The following FAM135A variants were observed in gnomAD, a reference collection of about 807,000 sequenced individuals.
The protein encoded by FAM135A is family with sequence similarity 135 member A.
FAM135A carries 79 observed loss-of-function variants against 146.8 expected under a neutral mutation model. The ratio of observed to expected loss-of-function variants is 0.54; its 90% CI spans 0.45 to 0.65. The LOEUF (loss-of-function observed/expected upper bound fraction) is 0.65. Ranked by LOEUF, FAM135A falls within the 30% of genes least tolerant of loss-of-function variation. FAM135A has a pLI of 0.00. For synonymous variants in FAM135A, 562 were observed against 603.6 expected, an observed-to-expected ratio of 0.93 and a Z score of 1.01; for missense variants, 1,623 against 1,758.2, an observed-to-expected ratio of 0.92 and a Z score of 1.38.
chr6:70,522,456 C>A, intron 12 of FAM135A, 57 bp from the exon 13 acceptor site: 1 of 1,483,804 alleles, frequency 6.7e-7, no homozygotes, highest in Non-Finnish European at 9.4e-7. Flanking sequence ...CCATAAGATG[C>A]CGGATTGACT....
chr6:70,556,427 GA>G (rs1183663609), intron 20 of FAM135A, among the ~76,000 whole-genome samples: 2 of 152,104 alleles, frequency 1.3e-5, no homozygotes, highest in Non-Finnish European at 2.9e-5. Flanking sequence ...ATACCTTTTG[GA>G]AGGTAAGAAT....
rs374375909 is a variant in FAM135A at position 70,419,647 on chromosome 6, CAG to C, written c.-134+4273_-134+4274del. Among the ~76,000 whole-genome samples the C allele has an allele frequency of 3.3e-3, 501 of 152,278 alleles. 3 individuals are homozygous for C. The highest frequency in any genetic ancestry group is 0.011 in the African/African-American group (471 of 41,548). Reference sequence around the variant, plus strand: ...TACGTGTTTTTCCCTCGGTTGGTCTCAGATCTGGAATGTCAGTCTCAGTTCCC... The same window carrying C: ...TACGTGTTTTTCCCTCGGTTGGTCTCATCTGGAATGTCAGTCTCAGTTCCC... On this transcript the variant is annotated intron_variant, in intron 2 of 21. Transcript: ENST00000418814.
intron 5 of FAM135A, among the ~76,000 whole-genome samples, chr6:70,456,479 T>C (rs536576909): frequency 6.6e-6 from 1 of 152,354 alleles, no homozygotes; most frequent in Non-Finnish European, 1.5e-5. Flanking sequence ...CTGGAAATTT[T>C]AACTGTGCTT....
At position 70,449,618 on chromosome 6, in the gene FAM135A, G is replaced by GTA. The variant is rs552310323; in HGVS notation, c.78-2863_78-2862dup. Among the ~76,000 whole-genome samples the GTA allele has an allele frequency of 4.1e-3, 628 of 151,658 alleles. 8 individuals carry two copies. The highest frequency in any genetic ancestry group is 0.014 in the African/African-American group (584 of 41,358). ...TTAAGGCTATATGTAGTATTCTGTT[G>GTA]TATATATATATACTAGATTTACTAT... On this transcript the variant is annotated intron_variant, in intron 4 of 21. Transcript: ENST00000418814.
At position 70,560,436 on chromosome 6, in the gene FAM135A, T is replaced by C. The variant is rs1801707385; in HGVS notation, c.*515T>C. The C allele has an allele frequency of 2.0e-5, 3 of 153,078 alleles. No individual in the cohort carries two copies. The highest frequency in any genetic ancestry group is 7.2e-5 in the African/African-American group (3 of 41,478). The allele number at this position is 153,078 out of a possible 1,614,324, so 9.5% of individuals were successfully genotyped here. A position where few individuals can be genotyped will look rare whatever the true frequency, so the allele number is the denominator to read the frequency against. On this transcript the variant is annotated 3_prime_UTR_variant, in exon 22 of 22. Transcript: ENST00000418814. Reference sequence around the variant, plus strand: ...CTTCTGTAGTTCTAAAATACAACTTTATCATACAATCAAACCAGGTAGTTC... The same window carrying C: ...CTTCTGTAGTTCTAAAATACAACTTCATCATACAATCAAACCAGGTAGTTC...
rs528434094 is a variant in FAM135A at position 70,543,613 on chromosome 6, A to G, written c.4228+5212A>G. Among the ~76,000 whole-genome samples the G allele has an allele frequency of 7.2e-5, 11 of 152,362 alleles. No homozygotes were observed. The South Asian group carries it at 2.1e-3, about 29-fold the overall frequency. On this transcript the variant is annotated intron_variant, in intron 20 of 21. Coordinates refer to ENST00000418814, the MANE Select transcript of FAM135A (RefSeq NM_001162529.3). ...ATTCCTACAAAATGAAACATGGCAT[A>G]TGCTTCTTATGTGAGAAAAACAATA... is the stretch of plus-strand genomic sequence containing the variant.
At chr6:70,496,609 G>A (rs544116044) in intron 11 of FAM135A, among the ~76,000 whole-genome samples, 2 of 152,266 alleles carry the variant, frequency 1.3e-5, no homozygotes, top group African/African-American at 4.8e-5. Context: ...CATTGCCTAG[G>A]TTTTCTTGTA....
Position 70,421,344 on chromosome 6 carries a change from G to A in FAM135A, c.-133-5095G>A, listed in dbSNP as rs887083076. ...AAAATTAAATAAAATTAAAAATTCA[G>A]TTTTTCAGTCACAGTAGTCACATTT... On this transcript the variant is annotated intron_variant, in intron 2 of 21. Coordinates refer to ENST00000418814, the MANE Select transcript of FAM135A (RefSeq NM_001162529.3). Among the ~76,000 whole-genome samples the A allele has an allele frequency of 2.4e-4, 36 of 152,144 alleles. 1 individual carries two copies. The highest frequency in any genetic ancestry group is 2.2e-3 in the Admixed American group (34 of 15,280).
chr6:70,539,235 T>G (rs1236998928), intron 20 of FAM135A, among the ~76,000 whole-genome samples: 1 of 152,242 alleles, frequency 6.6e-6, no homozygotes, highest in East Asian at 1.9e-4. Flanking sequence ...GAAACAGATT[T>G]TTTTCTTCCC....
At chr6:70,517,919 C>G (rs1025592757) in intron 12 of FAM135A, among the ~76,000 whole-genome samples, 2 of 152,114 alleles carry the variant, frequency 1.3e-5, no homozygotes, top group African/African-American at 2.4e-5. Flanking sequence ...TCCATATTCC[C>G]TGAGAAACAG....
intron 19 of FAM135A, among the ~76,000 whole-genome samples, chr6:70,537,088 A>G (rs1262516594): frequency 1.3e-5 from 2 of 152,130 alleles, no homozygotes; most frequent in East Asian, 3.9e-4. Flanking sequence ...GGCATACGCC[A>G]CCATACCCAG....
chr6:70,476,993 A>G (rs1426244032), intron 7 of FAM135A, among the ~76,000 whole-genome samples, 166 bp from the exon 8 acceptor site: 1 of 152,130 alleles, frequency 6.6e-6, no homozygotes, highest in African/African-American at 2.4e-5. Flanking sequence ...CTCAATTGGT[A>G]TGTTTCATAT....
At chr6:70,540,269 TCTCA>T (rs1797637589) in intron 20 of FAM135A, among the ~76,000 whole-genome samples, 1 of 150,566 alleles carries the variant, frequency 6.6e-6, no homozygotes, top group Non-Finnish European at 1.5e-5. Flanking sequence ...CTTCTTTTTC[TCTCA>T]CTCCCTTCTC....
intron 5 of FAM135A, among the ~76,000 whole-genome samples, chr6:70,463,436 T>A (rs1021469274): frequency 1.2e-4 from 17 of 140,190 alleles, no homozygotes; most frequent in East Asian, 7.9e-4. Flanking sequence ...AAAAAAAAAA[T>A]TTGTAGAGAC....
At chr6:70,505,134 T>C (rs1159668429) in intron 12 of FAM135A, among the ~76,000 whole-genome samples, 1 of 152,084 alleles carries the variant, frequency 6.6e-6, no homozygotes, top group Non-Finnish European at 1.5e-5. Context: ...CTGAACAATA[T>C]GATAATTATA....
At chr6:70,540,197 C>T (rs893862881) in intron 20 of FAM135A, among the ~76,000 whole-genome samples, 54 of 152,090 alleles carry the variant, frequency 3.6e-4, no homozygotes, top group African/African-American at 1.2e-3. Flanking sequence ...CTCATACCCA[C>T]GGCTACACTG....
intron 5 of FAM135A, among the ~76,000 whole-genome samples, chr6:70,466,539 A>C (rs546496364): frequency 7.7e-4 from 117 of 152,336 alleles, no homozygotes; most frequent in Non-Finnish European, 9.8e-4. Context: ...GAAAGGTTTT[A>C]AGACTCCCTT....
intron 20 of FAM135A, among the ~76,000 whole-genome samples, chr6:70,538,850 A>ATTATG (rs1797310383): frequency 2.1e-5 from 3 of 141,216 alleles, no homozygotes; most frequent in Admixed American, 1.4e-4. Context: ...ATTATATTAT[A>ATTATG]TTATATTATA....
intron 4 of FAM135A, among the ~76,000 whole-genome samples, chr6:70,450,933 G>T (rs1776950478): frequency 6.6e-6 from 1 of 151,220 alleles, no homozygotes; most frequent in African/African-American, 2.4e-5. Context: ...AGTAGAGATG[G>T]GGTTTCACCA....
Sources: gnomAD v4.1 joint callset for allele counts (sites outside exome capture counted in the v4.1 genomes callset) on GRCh38, gnomAD v4.1.1 for gene constraint, MANE v1.5 for transcripts, NCBI Gene and HGNC (gene_info 2026-07-23, HGNC 2026-07-21) for gene names.